The following GABBR2 variants were observed in gnomAD, a reference collection of about 807,000 sequenced individuals.
The protein encoded by GABBR2 is gamma-aminobutyric acid type B receptor subunit 2.
Under a neutral mutation model 105.6 loss-of-function variants are expected in GABBR2, and 23 were observed. The observed-to-expected ratio is 0.22, with a 90% CI of 0.16 to 0.31. The LOEUF is 0.31. GABBR2 is among the 10% of genes least tolerant of loss of function. GABBR2 has a pLI of 1.00. For missense variants in GABBR2, 734 were observed against 1,245.5 expected (o/e 0.59, Z 6.18); for synonymous variants, 478 against 499.7 (o/e 0.96, Z 0.58).
At chr9:98,422,206 T>C (rs1832793397) in intron 7 of GABBR2, among the ~76,000 whole-genome samples, 1 of 152,132 alleles carries the variant, frequency 6.6e-6, no homozygotes, top group South Asian at 2.1e-4. Context: ...AGTAGGCACA[T>C]GAAAAGATGC....
chr9:98,419,462 G>T (rs1407639265), intron 7 of GABBR2, among the ~76,000 whole-genome samples: 1 of 152,168 alleles, frequency 6.6e-6, no homozygotes, highest in Non-Finnish European at 1.5e-5. Flanking sequence ...CGTCGGGGGC[G>T]GCCAGCCACT....
At chr9:98,382,463 G>A (rs896051555) in intron 11 of GABBR2, among the ~76,000 whole-genome samples, 16 of 152,086 alleles carry the variant, frequency 1.1e-4, no homozygotes, top group African/African-American at 3.1e-4. Flanking sequence ...ACAGGCGCCC[G>A]CCACCTCGCC....
At chr9:98,646,852 C>G (rs368762823) in intron 1 of GABBR2, among the ~76,000 whole-genome samples, 3 of 152,288 alleles carry the variant, frequency 2.0e-5, no homozygotes, top group East Asian at 3.9e-4. Context: ...CCCCACAGGG[C>G]ATCAAAAGTA....
intron 7 of GABBR2, among the ~76,000 whole-genome samples, chr9:98,449,048 A>C (rs532829720): frequency 6.6e-6 from 1 of 152,324 alleles, no homozygotes; most frequent in South Asian, 2.1e-4. Context: ...CATCTTGATT[A>C]GGAAAGCCAA....
chr9:98,669,449 C>T (rs918771923), intron 1 of GABBR2, among the ~76,000 whole-genome samples: 1 of 152,128 alleles, frequency 6.6e-6, no homozygotes, highest in Admixed American at 6.5e-5. Flanking sequence ...ATCCTCAATA[C>T]CTTTTGTTGA....
chr9:98,688,600 T>C (rs1830649568), intron 1 of GABBR2, among the ~76,000 whole-genome samples: 1 of 152,210 alleles, frequency 6.6e-6, no homozygotes, highest in African/African-American at 2.4e-5. Flanking sequence ...CCTAGCTCCC[T>C]GATCTAATCA....
chr9:98,624,096 G>T (rs570084322), intron 1 of GABBR2, among the ~76,000 whole-genome samples: 3 of 152,324 alleles, frequency 2.0e-5, no homozygotes, highest in African/African-American at 7.2e-5. Context: ...TCTCCATTTG[G>T]CTGGAGAGCC....
chr9:98,315,131 G>A (rs193215315), intron 13 of GABBR2, among the ~76,000 whole-genome samples: 53 of 152,042 alleles, frequency 3.5e-4, no homozygotes, highest in Middle Eastern at 3.4e-3. Context: ...CACCTTCACC[G>A]CTCTGACCTC....
chr9:98,550,656 C>T (rs190111347), intron 2 of GABBR2, among the ~76,000 whole-genome samples: 35 of 152,254 alleles, frequency 2.3e-4, no homozygotes, highest in East Asian at 1.7e-3. Flanking sequence ...TGGACCTCAA[C>T]GCTGTCTTTT....
intron 7 of GABBR2, 61 bp from the exon 8 acceptor site, chr9:98,406,202 C>A: frequency 1.1e-6 from 1 of 901,520 alleles, no homozygotes; most frequent in South Asian, 1.6e-5. Context: ...TTAGCCCAAA[C>A]GCCACTGATC....
rs761529471 is a variant in GABBR2, at chr9:98,708,602, C to T, written c.136G>A (p.Ala46Thr). 5.7e-6 allele frequency: 8 copies of T among 1,414,206 alleles called. 1 individual carries two copies. The South Asian group carries it at 1.2e-4, about 22-fold the overall frequency. 87.6% of individuals were successfully genotyped at this position (1,414,206 alleles called of 1,614,324 possible). ...APGAWGWARG[A>T]PRPPPSSPPL... Reference sequence around the variant, plus strand: ...GGGCTGCTGGGCGGCGGCCGGGGGGCGCCCCGCGCCCAGCCCCAGGCCCCG... The same window carrying T: ...GGGCTGCTGGGCGGCGGCCGGGGGGTGCCCCGCGCCCAGCCCCAGGCCCCG... Residue 46 changes from alanine to threonine, a missense_variant, in exon 1 of 19, where the codon GCC (alanine) becomes ACC (threonine). By Grantham distance (58) the Ala-to-Thr change is moderately conservative (BLOSUM62 0). Around this residue, in one of 7 missense-constraint regions of GABBR2, gnomAD observed 70 missense variants for 73.4 expected, o/e 0.95. Coordinates refer to ENST00000259455, the MANE Select transcript of GABBR2 (RefSeq NM_005458.8).
At chr9:98,386,635 G>T (rs560636333) in intron 10 of GABBR2, among the ~76,000 whole-genome samples, 1 of 152,296 alleles carries the variant, frequency 6.6e-6, no homozygotes, top group Non-Finnish European at 1.5e-5. Context: ...GGGCTTGTAG[G>T]TGCCTGGCCC....
chr9:98,439,128 T>A (rs1196387081), intron 7 of GABBR2, among the ~76,000 whole-genome samples: 1 of 152,202 alleles, frequency 6.6e-6, no homozygotes, highest in South Asian at 2.1e-4. Context: ...AGAGTGCTTA[T>A]CTCGCTACCT....
chr9:98,292,364 T>G (rs1394384329), intron 18 of GABBR2, among the ~76,000 whole-genome samples: 1 of 152,226 alleles, frequency 6.6e-6, no homozygotes, highest in Admixed American at 6.5e-5. Flanking sequence ...CTGGAATTCT[T>G]GCTGCTTCTG....
chr9:98,453,168 G>A (rs942763909), intron 7 of GABBR2, among the ~76,000 whole-genome samples: 1 of 151,952 alleles, frequency 6.6e-6, no homozygotes, highest in African/African-American at 2.4e-5. Flanking sequence ...CTGGGATTAC[G>A]GGCATGTGCC....
chr9:98,379,814 G>A (rs547106724), intron 11 of GABBR2, among the ~76,000 whole-genome samples: 174 of 152,308 alleles, frequency 1.1e-3, no homozygotes, highest in Non-Finnish European at 2.1e-3. Context: ...GTTCAGAGAT[G>A]TTAAATAGGG....
chr9:98,652,065 A>G (rs1314215212), intron 1 of GABBR2, among the ~76,000 whole-genome samples: 2 of 152,224 alleles, frequency 1.3e-5, no homozygotes, highest in Non-Finnish European at 2.9e-5. Flanking sequence ...TGATAGGTAC[A>G]TGGGGTATTC....
At chr9:98,569,863 A>G (rs1828803135) in intron 2 of GABBR2, among the ~76,000 whole-genome samples, 1 of 152,230 alleles carries the variant, frequency 6.6e-6, no homozygotes, top group Non-Finnish European at 1.5e-5. Flanking sequence ...GACAGCCTAC[A>G]GTTTAATAAA....
At chr9:98,565,988 C>T (rs1345178191) in intron 2 of GABBR2, among the ~76,000 whole-genome samples, 1 of 152,208 alleles carries the variant, frequency 6.6e-6, no homozygotes, top group Non-Finnish European at 1.5e-5. Context: ...TGCCCAGCGG[C>T]TCAGCAGGCA....
Sources: allele counts gnomAD v4.1 joint callset (sites outside exome capture counted in the v4.1 genomes callset), GRCh38; gene constraint gnomAD v4.1.1; regional missense constraint gnomAD v4.1.1; transcripts MANE v1.5; gene names NCBI Gene and HGNC (gene_info 2026-07-23, HGNC 2026-07-21).